NRG3: variants seen among roughly 807,000 people sequenced by gnomAD.
The protein encoded by NRG3 is neuregulin 3, also known as pro-neuregulin-3, membrane-bound isoform.
A neutral mutation model predicts 66.9 loss-of-function variants in NRG3; 31 were observed. The ratio of observed to expected loss-of-function variants is 0.46; its 90% confidence interval spans 0.35 to 0.63. The LOEUF is 0.63. Among genes scored for constraint, NRG3 ranks in the 20% least tolerant of loss-of-function variants. NRG3 has a pLI of 0.00. For synonymous variants in NRG3, 393 were observed against 359.4 expected, an observed-to-expected ratio of 1.09 and a Z score of -1.06; for missense variants, 910 against 878.9, an observed-to-expected ratio of 1.04 and a Z score of -0.45.
intron 2 of NRG3, among the ~76,000 whole-genome samples, chr10:82,633,944 A>G (rs972197548): frequency 2.0e-5 from 3 of 152,206 alleles, no homozygotes; most frequent in African/African-American, 4.8e-5. Flanking sequence ...AAGGCCAATC[A>G]GAGAAAAAGA....
At chr10:81,987,560 C>A (rs2060573653) in intron 1 of NRG3, among the ~76,000 whole-genome samples, 1 of 152,066 alleles carries the variant, frequency 6.6e-6, no homozygotes, top group Admixed American at 6.5e-5. Flanking sequence ...TAGCTAATGG[C>A]AAATGGCAAA....
rs898058766 is a variant in NRG3 at position 82,365,610 on chromosome 10, A to C, written c.953+6742A>C. Among the ~76,000 whole-genome samples the C allele has an allele frequency of 7.2e-5, 11 of 152,308 alleles. No homozygotes were observed. The East Asian group carries it at 7.7e-4, about 11-fold the overall frequency. On this transcript the variant is annotated intron_variant, in intron 2 of 8. Transcript: ENST00000372141. ...GAATGTTATTTTGTAATTCCATGACACTTAAGCAGTGGTTTACCTCTTCTA... is the reference window on the plus strand; with the variant it reads ...GAATGTTATTTTGTAATTCCATGACCCTTAAGCAGTGGTTTACCTCTTCTA...
intron 4 of NRG3, among the ~76,000 whole-genome samples, chr10:82,950,205 C>T (rs1000717345): frequency 1.3e-5 from 2 of 152,080 alleles, no homozygotes; most frequent in African/African-American, 2.4e-5. Context: ...GTTAATGACA[C>T]AGAGAGAGAA....
intron 3 of NRG3, among the ~76,000 whole-genome samples, chr10:82,825,969 A>T (rs139028061): frequency 6.6e-6 from 1 of 152,282 alleles, no homozygotes; most frequent in African/African-American, 2.4e-5. Flanking sequence ...GTGTGTCTAG[A>T]TGTTTACAGA....
At chr10:82,718,083 A>T (rs1048507746) in intron 2 of NRG3, among the ~76,000 whole-genome samples, 1 of 151,932 alleles carries the variant, frequency 6.6e-6, no homozygotes, top group African/African-American at 2.4e-5. Context: ...GAAGACATTT[A>T]AAAAAATAAA....
chr10:82,976,790 TG>T (rs1401518760), intron 7 of NRG3, among the ~76,000 whole-genome samples: 2 of 152,094 alleles, frequency 1.3e-5, no homozygotes, highest in African/African-American at 4.8e-5. Context: ...CCTGCTTGGT[TG>T]CCTTCCTTAT....
At chr10:82,251,016 A>G (rs1005443139) in intron 1 of NRG3, among the ~76,000 whole-genome samples, 7 of 152,242 alleles carry the variant, frequency 4.6e-5, no homozygotes, top group African/African-American at 1.7e-4. Flanking sequence ...TCACCAATAC[A>G]TAAAAATTGA....
intron 2 of NRG3, among the ~76,000 whole-genome samples, chr10:82,434,680 C>T (rs1276754549): frequency 1.3e-5 from 2 of 151,988 alleles, no homozygotes; most frequent in Admixed American, 6.6e-5. Flanking sequence ...TTATCAGAGG[C>T]TTTTTCTGCA....
chr10:82,623,279 C>A (rs1029234205), intron 2 of NRG3, among the ~76,000 whole-genome samples: 2 of 152,082 alleles, frequency 1.3e-5, no homozygotes, highest in African/African-American at 2.4e-5. Context: ...ATATATCCTG[C>A]CAGAATTGGT....
chr10:82,201,001 G>C (rs2074781219), intron 1 of NRG3, among the ~76,000 whole-genome samples: 1 of 151,906 alleles, frequency 6.6e-6, no homozygotes, highest in Non-Finnish European at 1.5e-5. Flanking sequence ...TTAGAGACCA[G>C]CCTGGCCAAC....
chr10:82,981,901 G>A (rs1413951689), intron 8 of NRG3, among the ~76,000 whole-genome samples: 4 of 152,142 alleles, frequency 2.6e-5, no homozygotes, highest in Non-Finnish European at 5.9e-5. Flanking sequence ...AAAATGTACT[G>A]AATACCTACC....
chr10:82,025,443 ATAAT>A (rs1183827237), intron 1 of NRG3, among the ~76,000 whole-genome samples: 1 of 151,900 alleles, frequency 6.6e-6, no homozygotes, highest in African/African-American at 2.4e-5. Context: ...TTTCTTATAA[ATAAT>A]AGTATGTTTA....
chr10:82,918,698 C>A (rs190569415), intron 4 of NRG3, among the ~76,000 whole-genome samples: 1 of 152,194 alleles, frequency 6.6e-6, no homozygotes, highest in East Asian at 1.9e-4. Context: ...ACTTTCTTGG[C>A]CCTAAGGAAA....
At chr10:82,486,647 C>T (rs150793074) in intron 2 of NRG3, among the ~76,000 whole-genome samples, 47 of 152,100 alleles carry the variant, frequency 3.1e-4, no homozygotes, top group African/African-American at 1.1e-3. Flanking sequence ...CTCCTGACCT[C>T]GTGATCTGCC....
intron 1 of NRG3, among the ~76,000 whole-genome samples, chr10:82,091,638 T>A (rs1564552781): frequency 6.6e-6 from 1 of 152,168 alleles, no homozygotes. Flanking sequence ...CAAACAGATA[T>A]TCGAGTCTCT....
chr10:82,837,811 T>A (rs1181882232), intron 3 of NRG3, among the ~76,000 whole-genome samples: 5 of 152,128 alleles, frequency 3.3e-5, no homozygotes, highest in African/African-American at 1.2e-4. Flanking sequence ...ATGCTTGTCA[T>A]GAGGTGCAGG....
chr10:82,964,888 T>C (rs1851053651), intron 6 of NRG3, among the ~76,000 whole-genome samples: 1 of 152,204 alleles, frequency 6.6e-6, no homozygotes, highest in African/African-American at 2.4e-5. Flanking sequence ...CTGGAAACAA[T>C]GCTGTTATTC....
intron 2 of NRG3, among the ~76,000 whole-genome samples, chr10:82,483,214 A>G (rs1004026028): frequency 1.3e-5 from 2 of 152,210 alleles, no homozygotes; most frequent in African/African-American, 4.8e-5. Flanking sequence ...CTGGACTTCA[A>G]AATTGAAAGG....
At chr10:82,804,445 G>T (rs894087497) in intron 3 of NRG3, among the ~76,000 whole-genome samples, 1 of 152,076 alleles carries the variant, frequency 6.6e-6, no homozygotes. Context: ...AATGTATTTC[G>T]AACGACAGCA....
Sources: gnomAD v4.1 joint callset for allele counts (sites outside exome capture counted in the v4.1 genomes callset) on GRCh38, gnomAD v4.1.1 for gene constraint, MANE v1.5 for transcripts, NCBI Gene and HGNC (gene_info 2026-07-23, HGNC 2026-07-21) for gene names.